WDR7: variants seen among roughly 807,000 people sequenced by gnomAD.
WDR7 encodes WD repeat-containing protein 7.
A neutral mutation model predicts 169.4 loss-of-function variants in WDR7; 46 were observed. That is an observed-to-expected ratio of 0.27 (90% CI 0.21 to 0.35). The LOEUF (loss-of-function observed/expected upper bound fraction) is 0.35. Ranked by LOEUF, WDR7 falls within the 10% of genes least tolerant of loss-of-function variation. The pLI, the probability that WDR7 is intolerant of heterozygous loss-of-function variation, is 1.00. For missense variants in WDR7, 1,534 were observed against 1,859.3 expected (o/e 0.83, Z 3.22); for synonymous variants, 612 against 666.8 (o/e 0.92, Z 1.27).
chr18:56,882,530 A>T (rs920566346), intron 21 of WDR7, among the ~76,000 whole-genome samples: 1 of 152,246 alleles, frequency 6.6e-6, no homozygotes, highest in Non-Finnish European at 1.5e-5. Context: ...TAACTATTTC[A>T]TATCCATCAT....
intron 19 of WDR7, among the ~76,000 whole-genome samples, chr18:56,794,327 T>TTTTTTTTTTTTTTTTTTAA: frequency 8.5e-6 from 1 of 118,064 alleles, no homozygotes; most frequent in Admixed American, 8.9e-5. Context: ...TTTTTTTTTT[T>TTTTTTTTTTTTTTTTTTAA]GAGACAGAGT....
chr18:56,751,166 G>A (rs1304693942), intron 14 of WDR7, among the ~76,000 whole-genome samples: 2 of 151,988 alleles, frequency 1.3e-5, no homozygotes, highest in African/African-American at 2.4e-5. Flanking sequence ...ACACGAAATT[G>A]CATCCCGATA....
chr18:56,947,837 T>A (rs1388980938), intron 25 of WDR7, among the ~76,000 whole-genome samples: 1 of 152,256 alleles, frequency 6.6e-6, no homozygotes, highest in African/African-American at 2.4e-5. Context: ...CCAAAAGGAA[T>A]GCTTGTTTTT....
intron 2 of WDR7, among the ~76,000 whole-genome samples, chr18:56,677,293 T>A (rs1294822156): frequency 1.3e-5 from 2 of 152,194 alleles, no homozygotes; most frequent in African/African-American, 4.8e-5. Context: ...CATGCCACTC[T>A]CCCCTGGCCT....
At chr18:56,657,206 G>A (rs1054096487) in intron 1 of WDR7, among the ~76,000 whole-genome samples, 2 of 151,256 alleles carry the variant, frequency 1.3e-5, no homozygotes, top group African/African-American at 4.9e-5. Flanking sequence ...TGCCCAGGCT[G>A]GAGTGCAGTG....
chr18:56,660,989 C>CCT (rs2024893260), intron 1 of WDR7, among the ~76,000 whole-genome samples: 1 of 152,138 alleles, frequency 6.6e-6, no homozygotes, highest in Admixed American at 6.5e-5. Flanking sequence ...GAGCTGGGTT[C>CCT]CTCTCTAGTT....
chr18:56,812,541 G>C (rs2044888755), intron 19 of WDR7, among the ~76,000 whole-genome samples: 1 of 152,192 alleles, frequency 6.6e-6, no homozygotes, highest in African/African-American at 2.4e-5. Context: ...TAGGCCATCT[G>C]TAAGTGGGAG....
intron 21 of WDR7, among the ~76,000 whole-genome samples, chr18:56,908,690 C>T (rs547283035): frequency 6.6e-6 from 1 of 152,222 alleles, no homozygotes; most frequent in Admixed American, 6.5e-5. Context: ...ACTATCATCT[C>T]CCTCACAAGT....
At chr18:56,879,109 C>G (rs759554276) in intron 20 of WDR7, among the ~76,000 whole-genome samples, 1 of 152,116 alleles carries the variant, frequency 6.6e-6, no homozygotes, top group Admixed American at 6.6e-5. Flanking sequence ...TTTGTGTGTA[C>G]ATGTGTGTCA....
chr18:56,845,886 A>G (rs1052390115), intron 20 of WDR7, among the ~76,000 whole-genome samples: 2 of 152,202 alleles, frequency 1.3e-5, no homozygotes, highest in Admixed American at 6.5e-5. Context: ...AAAAAATGTT[A>G]TTATGCTATG....
At chr18:56,859,020 G>T (rs926501252) in intron 20 of WDR7, among the ~76,000 whole-genome samples, 1 of 152,148 alleles carries the variant, frequency 6.6e-6, no homozygotes, top group Non-Finnish European at 1.5e-5. Context: ...GTCAGGATAG[G>T]ATTCAACTTC....
At chr18:56,792,608 CTTTGT>C (rs2044508761) in intron 19 of WDR7, among the ~76,000 whole-genome samples, 1 of 104,876 alleles carries the variant, frequency 9.5e-6, no homozygotes, top group Non-Finnish European at 2.0e-5. Flanking sequence ...GCTTTTAAAT[CTTTGT>C]TTTTTTTTTT....
At chr18:56,752,885 G>T (rs556378971) in intron 14 of WDR7, among the ~76,000 whole-genome samples, 1 of 152,286 alleles carries the variant, frequency 6.6e-6, no homozygotes, top group South Asian at 2.1e-4. Context: ...ATTCCGGAGG[G>T]AGCATGATTC....
At chr18:56,949,942 T>G (rs1333435031) in intron 25 of WDR7, among the ~76,000 whole-genome samples, 1 of 152,240 alleles carries the variant, frequency 6.6e-6, no homozygotes, top group African/African-American at 2.4e-5. Flanking sequence ...ATTCTTATTT[T>G]TACTTAAAAG....
intron 21 of WDR7, among the ~76,000 whole-genome samples, chr18:56,917,185 A>G (rs1194884908): frequency 6.6e-6 from 1 of 151,960 alleles, no homozygotes; most frequent in African/African-American, 2.4e-5. Context: ...CGACAGGGTG[A>G]CATTCCGTCT....
chr18:57,027,340 C>CT lies in WDR7; in HGVS notation c.*135dup, dbSNP rs2048381437. On this transcript the variant is annotated 3_prime_UTR_variant, in exon 28 of 28. Coordinates refer to ENST00000254442, the MANE Select transcript of WDR7 (RefSeq NM_015285.3). ...GTGCCATCCAGTGGCACGGCCGGGT[C>CT]TTGTCACTTGTGCATGCTTCTCAGG... 8 of 936,280 alleles carry CT rather than the reference C, an allele frequency of 8.5e-6. No homozygotes were observed. The South Asian group carries it at 1.2e-4, about 14-fold the overall frequency. 58.0% of individuals were successfully genotyped at this position (936,280 alleles called of 1,614,324 possible). A position where few individuals can be genotyped will look rare whatever the true frequency, so the allele number is the denominator to read the frequency against.
intron 21 of WDR7, among the ~76,000 whole-genome samples, chr18:56,916,445 A>T (rs1210108702): frequency 1.3e-5 from 2 of 151,742 alleles, no homozygotes; most frequent in Non-Finnish European, 2.9e-5. Context: ...AAGGACATGA[A>T]CTCATCCTTT....
intron 20 of WDR7, among the ~76,000 whole-genome samples, chr18:56,822,578 G>A (rs12955641): frequency 0.077 from 11,696 of 152,262 alleles, 1,084 homozygotes; most frequent in East Asian, 0.47. Context: ...GTCAGAGGCT[G>A]TATAATTTGT....
chr18:56,654,630 TTTCTCATGATG>T (rs1276431607), intron 1 of WDR7, among the ~76,000 whole-genome samples: 46 of 152,350 alleles, frequency 3.0e-4, no homozygotes, highest in African/African-American at 1.1e-3. Context: ...GTCTGTAATC[TTTCTCATGATG>T]TTCTTCATTG....
Sources: gnomAD v4.1 joint callset for allele counts (sites outside exome capture counted in the v4.1 genomes callset) on GRCh38, gnomAD v4.1.1 for gene constraint, MANE v1.5 for transcripts, NCBI Gene and HGNC (gene_info 2026-07-23, HGNC 2026-07-21) for gene names.